ARFIP1: variants seen among roughly 807,000 people sequenced by gnomAD.
ARFIP1 encodes arfaptin-1.
In ARFIP1, 24 loss-of-function variants were observed where a neutral mutation model predicts 42.5. The observed-to-expected ratio is 0.57, with a 90% CI of 0.41 to 0.80. ARFIP1 has a LOEUF of 0.80. ARFIP1 is among the 30% of genes least tolerant of loss of function. The pLI is 0.00. For synonymous variants in ARFIP1, 141 were observed against 153.7 expected (o/e 0.92, Z 0.61); for missense variants, 354 against 434.0 (o/e 0.82, Z 1.64).
chr4:152,877,508 G>A (rs139763152), intron 5 of ARFIP1, among the ~76,000 whole-genome samples: 47 of 152,174 alleles, frequency 3.1e-4, no homozygotes, highest in Middle Eastern at 3.4e-3. Context: ...AGACTCACAC[G>A]CATCTCAGAT....
At chr4:152,830,191 G>A (rs1048858074) in intron 2 of ARFIP1, among the ~76,000 whole-genome samples, 9 of 152,102 alleles carry the variant, frequency 5.9e-5, no homozygotes, top group African/African-American at 2.2e-4. Context: ...CTGTCTCTCA[G>A]TCGAAATTTA....
chr4:152,806,252 A>G (rs1728988071), intron 1 of ARFIP1, among the ~76,000 whole-genome samples: 1 of 152,212 alleles, frequency 6.6e-6, no homozygotes, highest in Admixed American at 6.5e-5. Flanking sequence ...CTATGCAGTC[A>G]TTTTTCTAGT....
chr4:152,829,740 T>C lies in ARFIP1; in HGVS notation c.93+14T>C. On this transcript the variant is annotated intron_variant, in intron 2 of 8. Coordinates refer to ENST00000353617, the MANE Select transcript of ARFIP1 (RefSeq NM_001025595.3). Reference sequence around the variant, plus strand: ...AGCTTTAATAGGGTAAGAACACTTTTCTTTCTCTTAATGCAAAGAATCATG... The same window carrying C: ...AGCTTTAATAGGGTAAGAACACTTTCCTTTCTCTTAATGCAAAGAATCATG... 1 of 1,559,228 alleles carries C rather than the reference T, an allele frequency of 6.4e-7. No individual in the cohort carries two copies. Among genetic ancestry groups the C allele is most frequent in the East Asian group, 2.3e-5 (1 of 44,380 alleles).
Position 152,870,751 on chromosome 4 carries a change from A to C in ARFIP1, c.203-2A>C. On this transcript the variant is annotated splice_acceptor_variant, in intron 3 of 8. Coordinates refer to ENST00000353617, the MANE Select transcript of ARFIP1 (RefSeq NM_001025595.3). LOFTEE classifies it high-confidence loss of function. The stretch of plus-strand genomic sequence containing the variant: ...TCACAGTTAAAATGTCTACCTTTTC[A>C]GGTTCCCCAGCACCGCCACTGCCAT... 6.2e-7 allele frequency: 1 copy of C among 1,612,010 alleles called. No individual in the cohort carries two copies. Among genetic ancestry groups the C allele is most frequent in the Non-Finnish European group, 8.5e-7 (1 of 1,178,078 alleles).
chr4:152,788,959 T>C (rs1056878731), intron 1 of ARFIP1, among the ~76,000 whole-genome samples: 1 of 151,996 alleles, frequency 6.6e-6, no homozygotes, highest in Non-Finnish European at 1.5e-5. Flanking sequence ...AGGTATTTTG[T>C]AGACTGTCCC....
At chr4:152,837,141 CAT>C (rs1224555907) in intron 2 of ARFIP1, among the ~76,000 whole-genome samples, 1 of 152,100 alleles carries the variant, frequency 6.6e-6, no homozygotes, top group Non-Finnish European at 1.5e-5. Context: ...AATATTGCAT[CAT>C]ATATATACAC....
At chr4:152,812,185 A>G (rs942393637) in intron 1 of ARFIP1, among the ~76,000 whole-genome samples, 1 of 152,130 alleles carries the variant, frequency 6.6e-6, no homozygotes, top group African/African-American at 2.4e-5. Flanking sequence ...TTTTTGCAGT[A>G]TCTTCTGCCT....
intron 7 of ARFIP1, among the ~76,000 whole-genome samples, chr4:152,885,261 C>T (rs928558098): frequency 6.6e-6 from 1 of 152,042 alleles, no homozygotes; most frequent in African/African-American, 2.4e-5. Flanking sequence ...TTGATCAGTG[C>T]AAAAAGTGGT....
chr4:152,892,965 C>G (rs1294471087), intron 8 of ARFIP1, among the ~76,000 whole-genome samples: 1 of 152,264 alleles, frequency 6.6e-6, no homozygotes, highest in Non-Finnish European at 1.5e-5. Context: ...GTAACTTGAG[C>G]TATTTTGTGA....
At chr4:152,894,463 A>G (rs184352471) in intron 8 of ARFIP1, among the ~76,000 whole-genome samples, 4 of 152,292 alleles carry the variant, frequency 2.6e-5, no homozygotes, top group Admixed American at 2.0e-4. Context: ...TCAAAAGAAA[A>G]AGAACCCCTA....
intron 8 of ARFIP1, among the ~76,000 whole-genome samples, chr4:152,900,307 A>T (rs1340783824): frequency 6.6e-6 from 1 of 152,222 alleles, no homozygotes; most frequent in African/African-American, 2.4e-5. Context: ...AAAGAATTAT[A>T]AGACGTCACC....
intron 2 of ARFIP1, among the ~76,000 whole-genome samples, chr4:152,836,381 G>A (rs1470389618): frequency 2.6e-5 from 4 of 152,214 alleles, no homozygotes; most frequent in Middle Eastern, 3.4e-3. Context: ...TGGAAACCAC[G>A]TTGTACACCT....
At position 152,888,191 on chromosome 4, in the gene ARFIP1, G is replaced by T. The variant is rs752375327; in HGVS notation, c.850G>T (p.Ala284Ser). ...LEELNLGPRD[A>S]NTLPKIEQSQ... ...AGAACTGAATCTTGGACCACGTGAC[G>T]CAAACACTCTGCCAAAGATTGAGCA... Residue 284 changes from alanine (A) to serine (S), a missense_variant, in exon 8 of 9, where the codon GCA becomes TCA. Ala to Ser is a moderately conservative substitution (Grantham distance 99). Coordinates refer to ENST00000353617, the MANE Select transcript of ARFIP1 (RefSeq NM_001025595.3). 6.2e-7 allele frequency: 1 copy of T among 1,611,756 alleles called. No homozygotes were observed. The highest frequency in any genetic ancestry group is 2.2e-5 in the East Asian group (1 of 44,810).
intron 3 of ARFIP1, among the ~76,000 whole-genome samples, chr4:152,865,469 A>G (rs974388784): frequency 6.6e-6 from 1 of 152,184 alleles, no homozygotes; most frequent in Non-Finnish European, 1.5e-5. Context: ...CAGTTGGCCA[A>G]TACTTTATTT....
intron 2 of ARFIP1, among the ~76,000 whole-genome samples, chr4:152,839,163 T>C (rs1005026768): frequency 3.3e-5 from 5 of 152,246 alleles, no homozygotes; most frequent in Non-Finnish European, 5.9e-5. Flanking sequence ...CATTTTGATA[T>C]GTTGTTGAAT....
chr4:152,838,542 A>G (rs750650446), intron 2 of ARFIP1, among the ~76,000 whole-genome samples: 10 of 151,962 alleles, frequency 6.6e-5, no homozygotes, highest in Non-Finnish European at 1.2e-4. Flanking sequence ...TTTTGCAGCT[A>G]TTGTAAAAGG....
At chr4:152,870,491 T>C (rs955628261) in intron 3 of ARFIP1, among the ~76,000 whole-genome samples, 1 of 152,242 alleles carries the variant, frequency 6.6e-6, no homozygotes, top group Non-Finnish European at 1.5e-5. Context: ...AAATCCTGGT[T>C]AGATGTCATC....
intron 2 of ARFIP1, among the ~76,000 whole-genome samples, chr4:152,847,348 G>C (rs1732639352): frequency 6.6e-6 from 1 of 151,488 alleles, no homozygotes; most frequent in Non-Finnish European, 1.5e-5. Flanking sequence ...GGCCAGGCTG[G>C]TCTTGAACTC....
intron 1 of ARFIP1, chr4:152,810,324 T>C (rs1299453521): frequency 6.6e-6 from 1 of 152,230 alleles, no homozygotes; most frequent in Non-Finnish European, 1.5e-5. Context: ...ACAGCCATTA[T>C]TTTAAAAATT....
Sources: gnomAD v4.1 joint callset for allele counts (sites outside exome capture counted in the v4.1 genomes callset) on GRCh38, gnomAD v4.1.1 for gene constraint, MANE v1.5 for transcripts, NCBI Gene and HGNC (gene_info 2026-07-23, HGNC 2026-07-21) for gene names.